ATP2B1: variants seen among roughly 807,000 people sequenced by gnomAD.
The protein encoded by ATP2B1 is ATPase plasma membrane Ca2+ transporting 1, also known as plasma membrane calcium-transporting ATPase 1.
A neutral mutation model predicts 124.2 loss-of-function variants in ATP2B1; 14 were observed. The ratio of observed to expected loss-of-function variants is 0.11; its 90% CI spans 0.07 to 0.18. ATP2B1 has a LOEUF of 0.18. Ranked by LOEUF, ATP2B1 falls within the 10% of genes least tolerant of loss-of-function variation. ATP2B1 has a pLI of 1.00. For missense variants in ATP2B1, 763 were observed against 1,466.1 expected (o/e 0.52, Z 7.83); for synonymous variants, 449 against 492.4 (o/e 0.91, Z 1.17).
At chr12:89,659,732 C>T (rs930433237) in intron 1 of ATP2B1, among the ~76,000 whole-genome samples, 1 of 151,934 alleles carries the variant, frequency 6.6e-6, no homozygotes, top group Non-Finnish European at 1.5e-5. Flanking sequence ...ACCATTCTGG[C>T]TAACACGGTG....
intron 12 of ATP2B1, among the ~76,000 whole-genome samples, chr12:89,614,158 G>C (rs1186273484): frequency 6.6e-6 from 1 of 152,112 alleles, no homozygotes; most frequent in African/African-American, 2.4e-5. Flanking sequence ...TAAACCGTAA[G>C]TCAATGTATA....
chr12:89,590,836 T>TA lies in ATP2B1; in HGVS notation c.*147dup, dbSNP rs928789187. On this transcript the variant is annotated 3_prime_UTR_variant, in exon 21 of 21. Transcript: ENST00000428670. The stretch of plus-strand genomic sequence containing the variant: ...GCAGAAAGCTTTGCTTTTTTTTTTT[T>TA]AAAAAAATAAATCTACATTCGTACA... 4.6e-5 allele frequency: 40 copies of TA among 860,646 alleles called. No individual in the cohort carries two copies. Among genetic ancestry groups the TA allele is most frequent in the Non-Finnish European group, 6.0e-5 (35 of 584,890 alleles). The allele number at this position is 860,646 out of a possible 1,614,324, so 53.3% of individuals were successfully genotyped here.
chr12:89,614,143 A>G (rs1432566497), intron 12 of ATP2B1, among the ~76,000 whole-genome samples: 1 of 152,162 alleles, frequency 6.6e-6, no homozygotes, highest in African/African-American at 2.4e-5. Flanking sequence ...TTTCATGTTA[A>G]AGTTTAAACC....
intron 1 of ATP2B1, among the ~76,000 whole-genome samples, chr12:89,672,800 C>A (rs1888156501): frequency 6.6e-6 from 1 of 152,132 alleles, no homozygotes; most frequent in Non-Finnish European, 1.5e-5. Flanking sequence ...ACTACCTGTA[C>A]CCTTCATTAC....
chr12:89,612,810 G>C (rs1053192724), intron 12 of ATP2B1, among the ~76,000 whole-genome samples: 2 of 152,162 alleles, frequency 1.3e-5, no homozygotes, highest in African/African-American at 4.8e-5. Context: ...TGAGCTTCTT[G>C]AAGGTAGGAC....
intron 1 of ATP2B1, among the ~76,000 whole-genome samples, chr12:89,672,281 C>T (rs1383363943): frequency 1.3e-5 from 2 of 152,038 alleles, no homozygotes; most frequent in African/African-American, 4.8e-5. Context: ...ATGGTGAAAC[C>T]CCGTCTCTAT....
chr12:89,598,067 A>AAAAAAAAAAAAG, intron 20 of ATP2B1, among the ~76,000 whole-genome samples: 1 of 145,710 alleles, frequency 6.9e-6, no homozygotes, highest in Non-Finnish European at 1.5e-5. Context: ...AAAAAAATCA[A>AAAAAAAAAAAAG]AGCAAGGCAA....
chr12:89,634,962 T>C (rs1270561433), intron 4 of ATP2B1, 35 bp downstream of exon 4: 1 of 1,610,978 alleles, frequency 6.2e-7, no homozygotes, highest in Admixed American at 1.7e-5. Flanking sequence ...ATTTTATGTT[T>C]AGTGTCAGAT....
chr12:89,655,450 C>G, intron 2 of ATP2B1: 1 of 520,574 alleles, frequency 1.9e-6, no homozygotes, highest in Non-Finnish European at 3.4e-6. Context: ...TATAATGGAA[C>G]AAAATATTTC....
intron 1 of ATP2B1, among the ~76,000 whole-genome samples, chr12:89,672,524 ATTCCTTTCTT>A (rs1888120556): frequency 1.3e-5 from 2 of 152,124 alleles, no homozygotes; most frequent in Admixed American, 6.5e-5. Flanking sequence ...ATTCCTTTCT[ATTCCTTTCTT>A]ATCTAGCACA....
At chr12:89,682,599 G>A (rs1342850979) in intron 1 of ATP2B1, among the ~76,000 whole-genome samples, 2 of 152,202 alleles carry the variant, frequency 1.3e-5, no homozygotes, top group South Asian at 4.1e-4. Flanking sequence ...AATCATTTGT[G>A]AGGGAGAGGA....
At chr12:89,632,091 C>T (rs1362594552) in intron 5 of ATP2B1, among the ~76,000 whole-genome samples, 1 of 152,036 alleles carries the variant, frequency 6.6e-6, no homozygotes, top group Non-Finnish European at 1.5e-5. Flanking sequence ...CACTAAAAGG[C>T]TTCTAATCCG....
chr12:89,613,732 C>G (rs1447061693), intron 12 of ATP2B1, among the ~76,000 whole-genome samples: 1 of 152,152 alleles, frequency 6.6e-6, no homozygotes, highest in East Asian at 1.9e-4. Context: ...AACTATGTGG[C>G]AAATAATACA....
chr12:89,677,971 T>TATATATATATACATATATATATACAC (rs1461216851), intron 1 of ATP2B1, among the ~76,000 whole-genome samples: 7 of 52,302 alleles, frequency 1.3e-4, no homozygotes, highest in Non-Finnish European at 2.0e-4. Context: ...TATATATATA[T>TATATATATATACATATATATATACAC]ACACACACAC....
intron 1 of ATP2B1, among the ~76,000 whole-genome samples, chr12:89,666,299 A>G (rs947328539): frequency 2.6e-5 from 4 of 152,150 alleles, no homozygotes; most frequent in Admixed American, 6.5e-5. Context: ...TGATCCTTCA[A>G]ACTCTCTGGT....
At position 89,646,160 on chromosome 12, in the gene ATP2B1, G is replaced by A. The variant is rs1174645504; in HGVS notation, c.209-3805C>T. ...TGGATGGTAGTCATATTCCAAGACAGGCAATTTTGAGAATTGAAGAATTAG... is the reference window on the plus strand; with the variant it reads ...TGGATGGTAGTCATATTCCAAGACAAGCAATTTTGAGAATTGAAGAATTAG... On this transcript the variant is annotated intron_variant, in intron 2 of 20. Transcript: ENST00000428670. Among the ~76,000 whole-genome samples the A allele has an allele frequency of 2.0e-5, 3 of 152,084 alleles. No individual in the cohort carries two copies. In the East Asian group the frequency reaches 5.8e-4, roughly 29 times the overall value.
Position 89,609,224 on chromosome 12 carries a change from C to T in ATP2B1, c.2442+713G>A, listed in dbSNP as rs61525321. Among the ~76,000 whole-genome samples, 586 of 152,202 alleles carry T rather than the reference C, an allele frequency of 3.9e-3. 10 individuals carry two copies. The highest frequency in any genetic ancestry group is 0.031 in the East Asian group (163 of 5,182). On this transcript the variant is annotated intron_variant, in intron 15 of 20. Transcript: ENST00000428670. ...CAATTTTCCCAAAAGAGCTTAGCACCCCATAAAAATCACATTAAAATCTCC... is the reference window on the plus strand; with the variant it reads ...CAATTTTCCCAAAAGAGCTTAGCACTCCATAAAAATCACATTAAAATCTCC...
At chr12:89,698,808 G>A (rs983649542) in intron 1 of ATP2B1, among the ~76,000 whole-genome samples, 10 of 152,134 alleles carry the variant, frequency 6.6e-5, no homozygotes, top group Admixed American at 3.3e-4. Flanking sequence ...GGTCAGGTTA[G>A]ATAAGACACT....
At chr12:89,644,122 C>T (rs776228809) in intron 2 of ATP2B1, among the ~76,000 whole-genome samples, 9 of 150,508 alleles carry the variant, frequency 6.0e-5, no homozygotes, top group Non-Finnish European at 1.0e-4. Flanking sequence ...ACTCTGTTTC[C>T]GAAAAAAAAG....
Sources: allele counts gnomAD v4.1 joint callset (sites outside exome capture counted in the v4.1 genomes callset), GRCh38; gene constraint gnomAD v4.1.1; transcripts MANE v1.5; gene names NCBI Gene and HGNC (gene_info 2026-07-23, HGNC 2026-07-21).